The following ACYP2 variants were observed in gnomAD, a reference collection of about 807,000 sequenced individuals.
ACYP2 encodes the protein acylphosphatase-2.
A neutral mutation model predicts 11.2 loss-of-function variants in ACYP2; 12 were observed. That is an observed-to-expected ratio of 1.08 (90% CI 0.69 to 1.74). ACYP2 has a LOEUF of 1.74. Among genes scored for constraint, ACYP2 ranks in the 40% most tolerant of loss-of-function variants. The pLI is 0.00. For synonymous variants in ACYP2, 43 were observed against 32.2 expected (o/e 1.33, Z -1.13); for missense variants, 134 against 101.9 (o/e 1.31, Z -1.35).
chr2:54,079,009 A>AGT (rs1432762260), intron 4 of ACYP2, among the ~76,000 whole-genome samples: 1 of 152,262 alleles, frequency 6.6e-6, no homozygotes, highest in Non-Finnish European at 1.5e-5. Flanking sequence ...AGACTTTAAA[A>AGT]GTGAGATATA....
intron 6 of ACYP2, among the ~76,000 whole-genome samples, chr2:54,181,587 C>T (rs1186591684): frequency 1.3e-5 from 2 of 152,174 alleles, no homozygotes; most frequent in Non-Finnish European, 2.9e-5. Context: ...CCTAAAATTA[C>T]ATATAATCTG....
At chr2:54,137,322 T>G (rs1485744017) in intron 5 of ACYP2, among the ~76,000 whole-genome samples, 1 of 152,176 alleles carries the variant, frequency 6.6e-6, no homozygotes, top group Admixed American at 6.5e-5. Flanking sequence ...CATATAGGTT[T>G]GTTATATAGG....
chr2:54,256,486 G>A (rs1443708049), intron 6 of ACYP2, among the ~76,000 whole-genome samples: 2 of 152,110 alleles, frequency 1.3e-5, no homozygotes, highest in Non-Finnish European at 2.9e-5. Flanking sequence ...AGTATCCGAG[G>A]CTTCTCCCTA....
chr2:54,139,984 AAT>A (rs1343340778), intron 6 of ACYP2, among the ~76,000 whole-genome samples: 13 of 152,234 alleles, frequency 8.5e-5, no homozygotes. Flanking sequence ...GTAAACAGTA[AAT>A]ATATAATTAT....
At chr2:53,995,376 A>G (rs1307777763) in intron 2 of ACYP2, among the ~76,000 whole-genome samples, 2 of 152,140 alleles carry the variant, frequency 1.3e-5, no homozygotes, top group East Asian at 3.8e-4. Context: ...TCAATGCATA[A>G]ATCATCACAT....
intron 2 of ACYP2, among the ~76,000 whole-genome samples, chr2:53,981,652 A>C (rs1671768546): frequency 6.6e-6 from 1 of 152,140 alleles, no homozygotes; most frequent in Admixed American, 6.6e-5. Context: ...TTTGTTACTT[A>C]GTTTTGGAAA....
At chr2:54,263,447 A>G (rs994773758) in intron 6 of ACYP2, among the ~76,000 whole-genome samples, 5 of 152,150 alleles carry the variant, frequency 3.3e-5, no homozygotes, top group Admixed American at 3.3e-4. Flanking sequence ...CAACCATATC[A>G]CCGTGTCTCT....
At chr2:54,218,380 A>G (rs1465230001) in intron 6 of ACYP2, among the ~76,000 whole-genome samples, 1 of 152,194 alleles carries the variant, frequency 6.6e-6, no homozygotes. Flanking sequence ...TATTTCTTAC[A>G]TGAATCACAA....
chr2:54,203,135 A>G (rs1463374660), intron 6 of ACYP2, among the ~76,000 whole-genome samples: 2 of 151,934 alleles, frequency 1.3e-5, no homozygotes, highest in Non-Finnish European at 2.9e-5. Flanking sequence ...AGATCTTTTT[A>G]AATTTCTTCC....
At position 53,991,162 on chromosome 2, in the gene ACYP2, G is replaced by C. The variant is rs200967899; in HGVS notation, c.62+17352G>C. ...GTCAAGTGTTCAAAGGTATGCTGCTGGTCATCATCAGATGTTGTGATTTTA... is the reference window on the plus strand; with the variant it reads ...GTCAAGTGTTCAAAGGTATGCTGCTCGTCATCATCAGATGTTGTGATTTTA... On this transcript the variant is annotated intron_variant, in intron 2 of 6. Coordinates refer to ENST00000607452, the MANE Select transcript of ACYP2 (RefSeq NM_001320586.2). 3.3e-5 allele frequency among the ~76,000 whole-genome samples: 5 copies of C among 152,132 alleles called. No homozygotes were observed. In the East Asian group the frequency reaches 9.6e-4, roughly 29 times the overall value.
At chr2:54,116,153 A>G (rs79440554) in intron 4 of ACYP2, among the ~76,000 whole-genome samples, 1 of 152,308 alleles carries the variant, frequency 6.6e-6, no homozygotes, top group Non-Finnish European at 1.5e-5. Flanking sequence ...TAGGAAGGAC[A>G]CTTAGATGGT....
At chr2:54,279,782 A>C (rs1206303476) in intron 6 of ACYP2, among the ~76,000 whole-genome samples, 1 of 152,158 alleles carries the variant, frequency 6.6e-6, no homozygotes, top group Non-Finnish European at 1.5e-5. Context: ...TTCCTTCATC[A>C]TTCCAAGTAT....
intron 6 of ACYP2, among the ~76,000 whole-genome samples, chr2:54,274,693 AT>A (rs1158354151): frequency 1.3e-5 from 2 of 151,210 alleles, no homozygotes; most frequent in African/African-American, 4.9e-5. Flanking sequence ...GAAATTAAAC[AT>A]TTTTTATTGC....
intron 6 of ACYP2, among the ~76,000 whole-genome samples, chr2:54,222,184 A>T (rs1277332960): frequency 1.3e-5 from 2 of 152,194 alleles, no homozygotes; most frequent in Non-Finnish European, 2.9e-5. Context: ...ACTTGACCCA[A>T]GTCCATCTGA....
chr2:54,161,502 G>C (rs1023440445), intron 6 of ACYP2, among the ~76,000 whole-genome samples: 1 of 152,090 alleles, frequency 6.6e-6, no homozygotes, highest in African/African-American at 2.4e-5. Flanking sequence ...TTCATAAGCT[G>C]TCATCTCCAT....
chr2:54,269,345 G>A (rs1442879787), intron 6 of ACYP2, among the ~76,000 whole-genome samples: 1 of 152,188 alleles, frequency 6.6e-6, no homozygotes, highest in Non-Finnish European at 1.5e-5. Context: ...TATGTTAGGA[G>A]CTACATACAA....
At chr2:54,159,477 A>G (rs999526480) in intron 6 of ACYP2, among the ~76,000 whole-genome samples, 42 of 151,364 alleles carry the variant, frequency 2.8e-4, no homozygotes, top group African/African-American at 8.5e-4. Flanking sequence ...AAAAGTCCTG[A>G]GATTACAGGC....
At chr2:54,154,970 CTGTTCAGATTTTCTA>C (rs1332608863) in intron 6 of ACYP2, among the ~76,000 whole-genome samples, 3 of 152,082 alleles carry the variant, frequency 2.0e-5, no homozygotes, top group Non-Finnish European at 2.9e-5. Context: ...TATTATTGGT[CTGTTCAGATTTTCTA>C]TATCTTCTTG....
intron 2 of ACYP2, among the ~76,000 whole-genome samples, chr2:54,033,198 ATT>A (rs11284749): frequency 1.3e-3 from 188 of 141,416 alleles, no homozygotes; most frequent in Non-Finnish European, 1.5e-3. Context: ...CCTGTGGGCA[ATT>A]TTTTTTTTTT....
Sources: gnomAD v4.1 joint callset for allele counts (sites outside exome capture counted in the v4.1 genomes callset) on GRCh38, gnomAD v4.1.1 for gene constraint, MANE v1.5 for transcripts, NCBI Gene and HGNC (gene_info 2026-07-23, HGNC 2026-07-21) for gene names.